TEX13C: variants seen among roughly 807,000 people sequenced by gnomAD.
TEX13C encodes testis-expressed protein 13C.
For synonymous variants in TEX13C, 219 were observed against 116.6 expected (o/e 1.88, Z -5.65); for missense variants, 480 against 298.7 (o/e 1.61, Z -4.47).
rs2018827554 is a variant in TEX13C, at chrX:125,320,647, GA to G, written c.529del (p.Thr177LeufsTer2). 7.8e-6 allele frequency: 4 copies of G among 515,761 alleles called. No individual in the cohort carries two copies. Among genetic ancestry groups the G allele is most frequent in the Non-Finnish European group, 1.4e-5 (4 of 287,131 alleles). 42.5% of individuals were successfully genotyped at this position (515,761 alleles called of 1,213,427 possible). ...CCGGCCAGTATGGGCCTGTGGCCGG[GA>G]CTTTAAATGCAGAACAGAGTGAGGC... On this transcript the variant is annotated frameshift_variant, in exon 1 of 1. Coordinates refer to ENST00000632600, the Ensembl canonical transcript of TEX13C. LOFTEE classifies it low-confidence loss of function (END_TRUNC).
chrX:125,322,163 G>A (rs1250848419), exon 1 of TEX13C: 3 of 490,484 alleles, frequency 6.1e-6, no homozygotes, highest in Non-Finnish European at 1.1e-5. Context: ...CCAGGGCACA[G>A]CTCCCCTGAT....
At chrX:125,323,097 C>G in exon 1 of TEX13C, 2 of 490,884 alleles carry the variant, frequency 4.1e-6, no homozygotes, top group Non-Finnish European at 7.3e-6. Context: ...GTTGACCCAG[C>G]GTAAACTCAT....
chrX:125,323,389 T>G, exon 1 of TEX13C: 1 of 169,737 alleles, frequency 5.9e-6, no homozygotes, highest in Non-Finnish European at 1.1e-5. Context: ...AGTCTTTAAT[T>G]AGGGGATTTC....
At chrX:125,322,423 C>G (rs1401531893) in exon 1 of TEX13C, 5 of 503,709 alleles carry the variant, frequency 9.9e-6, no homozygotes, top group Non-Finnish European at 1.8e-5. Context: ...CCCTGGAGGA[C>G]AGCAACAGCC....
exon 1 of TEX13C, chrX:125,323,070 C>T: frequency 2.0e-6 from 1 of 512,330 alleles, no homozygotes; most frequent in Non-Finnish European, 3.5e-6. Flanking sequence ...GTCCGTATGC[C>T]AGTTGAGAAT....
At chrX:125,323,025 T>C in exon 1 of TEX13C, 1 of 515,298 alleles carries the variant, frequency 1.9e-6, no homozygotes, top group Non-Finnish European at 3.5e-6. Context: ...GCCATGAATT[T>C]TCCACGGAAC....
chrX:125,321,250 C>G (rs1336032560), exon 1 of TEX13C: 2 of 514,077 alleles, frequency 3.9e-6, no homozygotes, highest in Non-Finnish European at 7.0e-6. Flanking sequence ...GCAACAGCCA[C>G]AGCCTGAAGA....
In TEX13C at chrX:125,321,293, A is replaced by G. The variant is rs1318237168; in HGVS notation, c.1174A>G (p.Ile392Val). 6 of 488,669 alleles carry G rather than the reference A, an allele frequency of 1.2e-5. No homozygotes were observed. In the Admixed American group the frequency reaches 1.4e-4, roughly 11 times the overall value. 40.3% of individuals were successfully genotyped at this position (488,669 alleles called of 1,213,427 possible). ...AGTTGTGCCCAAGGAGATTGTCCCC[A>G]TAGGGGACAGCAACAGCCACAGCCT... Residue 392 changes from isoleucine to valine, a missense_variant, in exon 1 of 1, where the codon ATA becomes GTA. Ile to Val is a conservative substitution (Grantham distance 29). Coordinates refer to ENST00000632600, the Ensembl canonical transcript of TEX13C.
rs1198434146 is a variant in TEX13C at position 125,322,778 on chromosome X, C to G, written c.2659C>G (p.Gln887Glu). 4 of 515,257 alleles carry G rather than the reference C, an allele frequency of 7.8e-6. No individual in the cohort carries two copies. The Admixed American group carries it at 7.9e-5, about 10-fold the overall frequency. 42.5% of individuals were successfully genotyped at this position (515,257 alleles called of 1,213,427 possible). A position where few individuals can be genotyped will look rare whatever the true frequency, so the allele number is the denominator to read the frequency against. The change falls in exon 1 of 1, where the codon CAG becomes GAG. Residue 887 changes from glutamine (Q) to glutamate (E), a missense_variant. By Grantham distance (29) the Gln-to-Glu change is conservative (BLOSUM62 2). Coordinates refer to ENST00000632600, the Ensembl canonical transcript of TEX13C. The stretch of plus-strand genomic sequence containing the variant: ...CCTGAAGAAACATCCAGTGATTCCC[C>G]AGGGCACAGCCTCACTGAGGTTTAG...
rs1034500000 is a variant in TEX13C at position 125,320,424 on chromosome X, C to T, written c.305C>T (p.Ala102Val). The stretch of plus-strand genomic sequence containing the variant: ...CAAGGGCATGTGGAGGAGTGCCAGG[C>T]GACCTCCTGGGCTCTAACTTCCCAG... Residue 102 changes from alanine (A) to valine (V), a missense_variant, in exon 1 of 1, where the codon GCG becomes GTG. Transcript: ENST00000632600. The T allele has an allele frequency of 7.8e-6, 4 of 514,847 alleles. No homozygotes were observed. In the Admixed American group the frequency reaches 1.1e-4, roughly 14 times the overall value. The allele number at this position is 514,847 out of a possible 1,213,427, so 42.4% of individuals were successfully genotyped here.
exon 1 of TEX13C, chrX:125,322,631 A>G: frequency 1.9e-6 from 1 of 514,475 alleles, no homozygotes; most frequent in Non-Finnish European, 3.5e-6. Context: ...CCACAGCATG[A>G]AGAAAGATCT....
exon 1 of TEX13C, chrX:125,320,712 C>T (rs2018828231): frequency 1.9e-6 from 1 of 515,366 alleles, no homozygotes; most frequent in Non-Finnish European, 3.5e-6. Flanking sequence ...CATTCGGAAG[C>T]CCAGGTAGCA....
chrX:125,320,055 G>C, upstream of TEX13C: 1 of 454,436 alleles, frequency 2.2e-6, no homozygotes, highest in South Asian at 3.2e-5. Context: ...AACCTGTACC[G>C]GAAGCGGCGG....
At position 125,320,245 on chromosome X, in the gene TEX13C, G is replaced by A. The variant is rs113566377; in HGVS notation, c.126G>A (p.Pro42=). 45 of 515,313 alleles carry A rather than the reference G, an allele frequency of 8.7e-5. No individual in the cohort carries two copies. Among genetic ancestry groups the A allele is most frequent in the Non-Finnish European group, 1.3e-4 (37 of 286,958 alleles). 42.5% of individuals were successfully genotyped at this position (515,313 alleles called of 1,213,427 possible). The stretch of plus-strand genomic sequence containing the variant: ...TTTACACGGCCTTCCGCTCGCGGCC[G>A]TGGAACGAGGTAGAGGACCGGCTTC... The change falls in exon 1 of 1, where the codon CCG becomes CCA. Residue 42 remains proline (P), a synonymous_variant. Coordinates refer to ENST00000632600, the Ensembl canonical transcript of TEX13C.
At chrX:125,320,002 A>G (rs997795072), upstream of TEX13C, 7 of 443,063 alleles carry the variant, frequency 1.6e-5, no homozygotes, top group Non-Finnish European at 2.8e-5. Context: ...GGACTAAAGT[A>G]AGACTGAAAG....
chrX:125,322,975 A>G (rs1039012200), exon 1 of TEX13C: 5 of 515,756 alleles, frequency 9.7e-6, no homozygotes, highest in Middle Eastern at 3.1e-4. Flanking sequence ...AGCCTGCCTC[A>G]TGCTCCAGCC....
exon 1 of TEX13C, chrX:125,321,964 G>T (rs1333545139): frequency 4.0e-6 from 2 of 498,832 alleles, no homozygotes; most frequent in Non-Finnish European, 7.2e-6. Flanking sequence ...AAGATCCAGT[G>T]GTGCCCCAGG....
chrX:125,322,943 G>T (rs1433290580), exon 1 of TEX13C: 2 of 513,820 alleles, frequency 3.9e-6, no homozygotes, highest in East Asian at 3.6e-5. Flanking sequence ...AAGGAAAAAG[G>T]CCTCAGAATC....
exon 1 of TEX13C, chrX:125,321,975 A>T: frequency 2.0e-5 from 8 of 407,115 alleles, no homozygotes. Context: ...GTGCCCCAGG[A>T]CACAGCTCCC....
Sources: gnomAD v4.1 joint callset for allele counts on GRCh38, gnomAD v4.1.1 for gene constraint, MANE v1.5 for transcripts, NCBI Gene and HGNC (gene_info 2026-07-23, HGNC 2026-07-21) for gene names.